PPFIA3: variants seen among roughly 807,000 people sequenced by gnomAD.
PPFIA3 encodes the protein PPFI scaffold protein A3.
Under a neutral mutation model 145.8 loss-of-function variants are expected in PPFIA3, and 26 were observed. That is an observed-to-expected ratio of 0.18 (90% CI 0.13 to 0.25). The LOEUF (loss-of-function observed/expected upper bound fraction) is 0.25, where lower values mean the gene tolerates loss of function less well. PPFIA3 is among the 10% of genes least tolerant of loss of function. PPFIA3 has a pLI of 1.00. For missense variants in PPFIA3, 1,008 were observed against 1,587.8 expected (o/e 0.63, Z 6.21); for synonymous variants, 645 against 661.4 (o/e 0.98, Z 0.38).
At position 49,141,413 on chromosome 19, in the gene PPFIA3, CCT is replaced by C; in HGVS notation, c.2369-5_2369-4del. ...TTTTCCAAATTTCGACCCCTCCCTG[CCT>C]CCAGCTGGAACACCCTCAGATGAGA... On this transcript the variant is annotated splice_region_variant and splice_polypyrimidine_tract_variant and intron_variant, in intron 18 of 29. Transcript: ENST00000334186. 6.2e-7 allele frequency: 1 copy of C among 1,612,832 alleles called. No homozygotes were observed. The highest frequency in any genetic ancestry group is 8.5e-7 in the Non-Finnish European group (1 of 1,179,072).
rs757056198 is a variant in PPFIA3 at position 49,148,654 on chromosome 19, C to T, written c.3012-12C>T. On this transcript the variant is annotated splice_polypyrimidine_tract_variant and intron_variant, in intron 24 of 29. Transcript: ENST00000334186. ...AAAGCTCATCCGTGACTCCACTTCC[C>T]CTGCTGCTCAGGGTGAGTCTACATT... The T allele has an allele frequency of 3.7e-6, 6 of 1,605,028 alleles. No individual in the cohort carries two copies. The East Asian group carries it at 6.7e-5, about 18-fold the overall frequency.
At position 49,149,972 on chromosome 19, in the gene PPFIA3, G is replaced by T; in HGVS notation, c.3527-108G>T. The T allele has an allele frequency of 7.4e-7, 1 of 1,347,840 alleles. No homozygotes were observed. Among genetic ancestry groups the T allele is most frequent in the Non-Finnish European group, 1.0e-6 (1 of 978,580 alleles). 83.5% of individuals were successfully genotyped at this position (1,347,840 alleles called of 1,614,324 possible). A position where few individuals can be genotyped will look rare whatever the true frequency, so the allele number is the denominator to read the frequency against. On this transcript the variant is annotated intron_variant, in intron 28 of 29. Coordinates refer to ENST00000334186, the MANE Select transcript of PPFIA3 (RefSeq NM_003660.4). This position sits in a 1 kb window ranked among gnomAD's most constrained non-coding sequence, Gnocchi z 5.7. ...GGGAAGGGAGGGAAACCCATGTGGAGCCCGGCGATCGTTGTGACATCGGGA... is the reference window on the plus strand; with the variant it reads ...GGGAAGGGAGGGAAACCCATGTGGATCCCGGCGATCGTTGTGACATCGGGA...
At chr19:49,145,858 C>T (rs961136833) in intron 21 of PPFIA3, 85 bp from the exon 22 acceptor site, 101 of 1,224,352 alleles carry the variant, frequency 8.2e-5, no homozygotes, top group African/African-American at 2.7e-4. Flanking sequence ...AAACGTGTGG[C>T]CCAGGGCCTT....
In PPFIA3 at chr19:49,123,373, G is replaced by A. The variant is rs182085434; in HGVS notation, c.-16+3651G>A. Among the ~76,000 whole-genome samples, 132 of 151,970 alleles carry A rather than the reference G, an allele frequency of 8.7e-4. No individual in the cohort carries two copies. The South Asian group carries it at 0.014, about 16-fold the overall frequency. ...TTGGATCTCATTATGTTACTGAGGC[G>A]ATCCTCTCACCTTGGCCTTCCAAAG... is the stretch of plus-strand genomic sequence containing the variant. On this transcript the variant is annotated intron_variant, in intron 1 of 29. Transcript: ENST00000334186.
At chr19:49,142,776 CCT>C in intron 20 of PPFIA3, 26 bp from the exon 21 acceptor site, 1 of 1,604,454 alleles carries the variant, frequency 6.2e-7, no homozygotes, top group Non-Finnish European at 8.5e-7. Context: ...CCCTCTGTCC[CCT>C]CTGTCCCTCT....
chr19:49,142,702 C>A, intron 20 of PPFIA3, 102 bp from the exon 21 acceptor site: 3 of 968,960 alleles, frequency 3.1e-6, no homozygotes, highest in Non-Finnish European at 3.1e-6. Flanking sequence ...CTGTTTCGCT[C>A]CCCACCCCCT....
intron 17 of PPFIA3, 56 bp downstream of exon 17, chr19:49,139,887 G>C: frequency 6.2e-7 from 1 of 1,612,108 alleles, no homozygotes; most frequent in Non-Finnish European, 8.5e-7. Flanking sequence ...AGATGAGAAG[G>C]GGGTGGACAA....
Position 49,130,546 on chromosome 19 carries a change from G to A in PPFIA3, c.826G>A (p.Glu276Lys). The A allele has an allele frequency of 6.3e-7, 1 of 1,575,526 alleles. No homozygotes were observed. Among genetic ancestry groups the A allele is most frequent in the Middle Eastern group, 2.1e-4 (1 of 4,700 alleles). ...GGAGGAGTTGGGCACCGCGCACCGTGAGCTGGGCAAGGCAGAGGAAGCCAA... is the reference window on the plus strand; with the variant it reads ...GGAGGAGTTGGGCACCGCGCACCGTAAGCTGGGCAAGGCAGAGGAAGCCAA... Reference protein sequence around the residue: ...LEEELGTAHRELGKAEEANSK... With the variant: ...LEEELGTAHRKLGKAEEANSK... Residue 276 changes from glutamate (E) to lysine (K), a missense_variant, in exon 7 of 30, where the codon GAG (glutamate) becomes AAG (lysine). Physicochemically the swap from Glu to Lys is moderately conservative, Grantham distance 56 (BLOSUM62 1). Coordinates refer to ENST00000334186, the MANE Select transcript of PPFIA3 (RefSeq NM_003660.4). This position sits in a 1 kb window ranked among gnomAD's most constrained non-coding sequence, Gnocchi z 4.5.
At position 49,120,518 on chromosome 19, in the gene PPFIA3, T is replaced by G. The variant is rs1382618762; in HGVS notation, c.-16+796T>G. Reference sequence around the variant, plus strand: ...CGGGAAGCCTGTCCGTGTCTACACCTCTGCTGGCCCCAGGTGGTAGCCCTC... The same window carrying G: ...CGGGAAGCCTGTCCGTGTCTACACCGCTGCTGGCCCCAGGTGGTAGCCCTC... On this transcript the variant is annotated intron_variant, in intron 1 of 29. Coordinates refer to ENST00000334186, the MANE Select transcript of PPFIA3 (RefSeq NM_003660.4). This position sits in a 1 kb window ranked among gnomAD's most constrained non-coding sequence, Gnocchi z 4.6. 2.0e-5 allele frequency among the ~76,000 whole-genome samples: 3 copies of G among 152,226 alleles called. No homozygotes were observed. Among genetic ancestry groups the G allele is most frequent in the African/African-American group, 7.2e-5 (3 of 41,534 alleles).
chr19:49,129,688 G>A (rs1054465461), intron 5 of PPFIA3, among the ~76,000 whole-genome samples: 1 of 152,196 alleles, frequency 6.6e-6, no homozygotes, highest in Non-Finnish European at 1.5e-5. Context: ...GGTAGAACCA[G>A]GGGCTGGGGC....
At chr19:49,134,740 C>T (rs1383485250) in intron 12 of PPFIA3, 39 bp downstream of exon 12, 1 of 1,611,930 alleles carries the variant, frequency 6.2e-7, no homozygotes, top group Non-Finnish European at 8.5e-7. Context: ...GATGTTGGGG[C>T]AGTGGTTGCT....
At chr19:49,142,207 G>A in intron 20 of PPFIA3, 92 bp downstream of exon 20, 1 of 1,249,446 alleles carries the variant, frequency 8.0e-7, no homozygotes, top group East Asian at 2.6e-5. Context: ...GGCGCACCCT[G>A]CTTCTAGCCC....
rs2041102681 is a variant in PPFIA3, at chr19:49,133,669, C to G, written c.1162-127C>G. ...CTAGGCGCAGGGGCGGGGCCTGACT[C>G]AAAGGTGCAGGGGAGGAGCCTGGCG... is the stretch of plus-strand genomic sequence containing the variant. On this transcript the variant is annotated intron_variant, in intron 9 of 29. Coordinates refer to ENST00000334186, the MANE Select transcript of PPFIA3 (RefSeq NM_003660.4). The surrounding 1 kb of genome is among the most constrained non-coding windows in gnomAD (Gnocchi z 7.2). 2 of 1,078,756 alleles carry G rather than the reference C, an allele frequency of 1.9e-6. No homozygotes were observed. The highest frequency in any genetic ancestry group is 2.8e-6 in the Non-Finnish European group (2 of 717,474). 66.8% of individuals were successfully genotyped at this position (1,078,756 alleles called of 1,614,324 possible).
intron 24 of PPFIA3, 119 bp from the exon 25 acceptor site, chr19:49,148,547 G>A: frequency 1.2e-6 from 1 of 855,178 alleles, no homozygotes. Flanking sequence ...ACAGTCAATA[G>A]AACTTATCAG....
rs2041240678 is a variant in PPFIA3, at chr19:49,142,905, G to C, written c.2646G>C (p.Glu882Asp). 6.2e-7 allele frequency: 1 copy of C among 1,613,874 alleles called. No homozygotes were observed. The highest frequency in any genetic ancestry group is 1.3e-5 in the African/African-American group (1 of 75,032). The change falls in exon 21 of 30, where the codon GAG becomes GAC. Residue 882 changes from glutamate to aspartate, a missense_variant. By Grantham distance (45) the Glu-to-Asp change is conservative. Around this residue, in one of 11 missense-constraint regions of PPFIA3, gnomAD observed 154 missense variants for 369.2 expected, o/e 0.42. Transcript: ENST00000334186. ...TGTCAGACACGGAGATCCAGCGCGA[G>C]ATCGGCATCAGCAACCCGCTGCACC... ...ANLSDTEIQR[E>D]IGISNPLHRL...
At chr19:49,148,820 G>C (rs890991747) in intron 25 of PPFIA3, 57 bp downstream of exon 25, 1 of 1,555,096 alleles carries the variant, frequency 6.4e-7, no homozygotes, top group Non-Finnish European at 8.9e-7. Flanking sequence ...GAGCTGGATG[G>C]GGAGGAGAGG....
rs2041049042 is a variant in PPFIA3 at position 49,130,005 on chromosome 19, C to T, written c.595C>T (p.Arg199Ter). The T allele has an allele frequency of 1.2e-6, 2 of 1,613,598 alleles. No homozygotes were observed. The highest frequency in any genetic ancestry group is 1.7e-5 in the Admixed American group (1 of 59,874). The change falls in exon 6 of 30, where the codon CGA becomes TGA. Residue 199 changes from arginine to a stop codon, truncating the protein, a stop_gained. Coordinates refer to ENST00000334186, the MANE Select transcript of PPFIA3 (RefSeq NM_003660.4). LOFTEE classifies it high-confidence loss of function. The surrounding 1 kb of genome is among the most constrained non-coding windows in gnomAD (Gnocchi z 4.5). ...ELSNQETLNLREQLSRRRSGL... is the reference protein window; with the variant it reads ...ELSNQETLNL Reference sequence around the variant, plus strand: ...TTCACACTTCCAGACTCTGAACCTTCGAGAACAGCTGTCTAGGCGGCGGTC... The same window carrying T: ...TTCACACTTCCAGACTCTGAACCTTTGAGAACAGCTGTCTAGGCGGCGGTC...
chr19:49,123,415 A>C (rs761787431), intron 1 of PPFIA3, among the ~76,000 whole-genome samples: 3 of 151,472 alleles, frequency 2.0e-5, no homozygotes, highest in African/African-American at 4.9e-5. Flanking sequence ...AATTACAAGC[A>C]TGAGCCACTG....
At chr19:49,138,898 G>A (rs73588164) in intron 16 of PPFIA3, among the ~76,000 whole-genome samples, 3,829 of 152,052 alleles carry the variant, frequency 0.025, 176 homozygotes, top group African/African-American at 0.089. Context: ...TTGAACCCAA[G>A]AGGCAGAGTT....
Sources: gnomAD v4.1 joint callset for allele counts (sites outside exome capture counted in the v4.1 genomes callset) on GRCh38, gnomAD v4.1.1 for gene constraint, gnomAD v4.1.1 regional missense constraint, Gnocchi (gnomAD v3.1) non-coding constraint, MANE v1.5 for transcripts, NCBI Gene and HGNC (gene_info 2026-07-23, HGNC 2026-07-21) for gene names.